Variants in KCNC1 observed in about 807,000 individuals in gnomAD.
KCNC1 encodes voltage-gated potassium channel KCNC1.
In KCNC1, 8 loss-of-function variants were observed where a neutral mutation model predicts 43.4. That is an observed-to-expected ratio of 0.18 (90% confidence interval 0.11 to 0.33). The LOEUF (loss-of-function observed/expected upper bound fraction) is 0.33, where lower values mean the gene tolerates loss of function less well. Ranked by LOEUF, KCNC1 falls within the 10% of genes least tolerant of loss-of-function variation. KCNC1 has a pLI of 1.00. For synonymous variants in KCNC1, 361 were observed against 360.5 expected, an observed-to-expected ratio of 1.00 and a Z score of -0.01; for missense variants, 420 against 836.0, an observed-to-expected ratio of 0.50 and a Z score of 6.14.
At chr11:17,768,614 G>GGA (rs1554991046) in intron 1 of KCNC1, among the ~76,000 whole-genome samples, 2 of 99,852 alleles carry the variant, frequency 2.0e-5, no homozygotes, top group African/African-American at 5.6e-5. Context: ...GATGTTGGTG[G>GGA]GGGGGGGGGC....
intron 1 of KCNC1, among the ~76,000 whole-genome samples, chr11:17,767,933 T>C (rs1849172940): frequency 6.6e-6 from 1 of 152,228 alleles, no homozygotes; most frequent in Non-Finnish European, 1.5e-5. Context: ...AAAGACTTTT[T>C]ACCATAATCT....
intron 1 of KCNC1, among the ~76,000 whole-genome samples, chr11:17,760,312 A>T (rs1849063662): frequency 6.6e-6 from 1 of 152,208 alleles, no homozygotes; most frequent in South Asian, 2.1e-4. Flanking sequence ...AGACAGGCGT[A>T]CTAGGAGACA....
chr11:17,778,716 C>G (rs1267244384), intron 2 of KCNC1, among the ~76,000 whole-genome samples: 1 of 151,680 alleles, frequency 6.6e-6, no homozygotes, highest in African/African-American at 2.4e-5. Flanking sequence ...TATGGGGGGT[C>G]GGGGCATAGA....
intron 1 of KCNC1, among the ~76,000 whole-genome samples, chr11:17,762,689 C>T (rs1368533593): frequency 6.6e-6 from 1 of 152,172 alleles, no homozygotes; most frequent in Non-Finnish European, 1.5e-5. Flanking sequence ...CTGCCTGAGC[C>T]AAGACTTGAT....
chr11:17,772,038 T>G lies in KCNC1; in HGVS notation c.944T>G (p.Phe315Cys). The change falls in exon 2 of 4, where the codon TTC becomes TGC. Residue 315 changes from phenylalanine (F) to cysteine (C), a missense_variant. Around this residue, in one of 5 missense-constraint regions of KCNC1, gnomAD observed 58 missense variants for 256.9 expected, o/e 0.23. Coordinates refer to ENST00000265969, the MANE Select transcript of KCNC1 (RefSeq NM_001112741.2). ...CTGGGCTTCCTGCGCGTCGTCCGCT[T>G]CGTGCGCATCTTGCGCATCTTTAAG... ...DVLGFLRVVRFVRILRIFKLT... is the reference protein window; with the variant it reads ...DVLGFLRVVRCVRILRIFKLT... The G allele has an allele frequency of 6.2e-7, 1 of 1,612,946 alleles. No individual in the cohort carries two copies. Among genetic ancestry groups the G allele is most frequent in the Non-Finnish European group, 8.5e-7 (1 of 1,179,934 alleles).
Position 17,777,824 on chromosome 11 carries a change from C to G in KCNC1, c.1505-1632C>G. The G allele has an allele frequency of 1.0e-6, 1 of 986,458 alleles. No homozygotes were observed. Among genetic ancestry groups the G allele is most frequent in the Non-Finnish European group, 1.2e-6 (1 of 830,076 alleles). The allele number at this position is 986,458 out of a possible 1,614,324, so 61.1% of individuals were successfully genotyped here. On this transcript the variant is annotated intron_variant, in intron 2 of 3. Coordinates refer to ENST00000265969, the MANE Select transcript of KCNC1 (RefSeq NM_001112741.2). This position sits in a 1 kb window ranked among gnomAD's most constrained non-coding sequence, Gnocchi z 4.3. Reference sequence around the variant, plus strand: ...GAATAAATCTGATTGGTCCATTTCTCTTTTGACTGACTGCCTCTTTGTAGT... The same window carrying G: ...GAATAAATCTGATTGGTCCATTTCTGTTTTGACTGACTGCCTCTTTGTAGT...
intron 1 of KCNC1, among the ~76,000 whole-genome samples, chr11:17,748,032 A>G (rs765658237): frequency 4.3e-4 from 66 of 152,224 alleles, no homozygotes; most frequent in Admixed American, 2.6e-4. Context: ...TTGAGCATCT[A>G]CTATGTGACA....
At chr11:17,759,708 A>G (rs1051303230) in intron 1 of KCNC1, among the ~76,000 whole-genome samples, 1 of 152,212 alleles carries the variant, frequency 6.6e-6, no homozygotes, top group Non-Finnish European at 1.5e-5. Context: ...AACTCAGATA[A>G]CATTTATCAA....
Position 17,777,463 on chromosome 11 carries a change from T to C in KCNC1, c.1505-1993T>C. 1 of 986,014 alleles carries C rather than the reference T, an allele frequency of 1.0e-6. No homozygotes were observed. Among genetic ancestry groups the C allele is most frequent in the Non-Finnish European group, 1.2e-6 (1 of 829,996 alleles). The allele number at this position is 986,014 out of a possible 1,614,324, so 61.1% of individuals were successfully genotyped here. Reference sequence around the variant, plus strand: ...ATCGTCATCCGCGTCCTCTCCATACTGTTTCCCTCCCCTCTCCCAACACCC... The same window carrying C: ...ATCGTCATCCGCGTCCTCTCCATACCGTTTCCCTCCCCTCTCCCAACACCC... On this transcript the variant is annotated intron_variant, in intron 2 of 3. Coordinates refer to ENST00000265969, the MANE Select transcript of KCNC1 (RefSeq NM_001112741.2). This position sits in a 1 kb window ranked among gnomAD's most constrained non-coding sequence, Gnocchi z 4.3.
rs777209898 is a variant in KCNC1, at chr11:17,779,485, G to T, written c.1534G>T (p.Ala512Ser). The change falls in exon 3 of 4, where the codon GCC becomes TCC. Residue 512 changes from alanine to serine, a missense_variant. Around this residue, in one of 5 missense-constraint regions of KCNC1, gnomAD observed 147 missense variants for 176.1 expected, o/e 0.83. Transcript: ENST00000265969. The surrounding 1 kb of genome is among the most constrained non-coding windows in gnomAD (Gnocchi z 7.2). Reference sequence around the variant, plus strand: ...CAAACTGAATGGGGAGGTGGCGAAGGCCGCGCTGGCGAACGAAGACTGCCC... The same window carrying T: ...CAAACTGAATGGGGAGGTGGCGAAGTCCGCGCTGGCGAACGAAGACTGCCC... ...DSKLNGEVAK[A>S]ALANEDCPHI... 4 of 1,550,086 alleles carry T rather than the reference G, an allele frequency of 2.6e-6. No individual in the cohort carries two copies. Among genetic ancestry groups the T allele is most frequent in the Non-Finnish European group, 3.5e-6 (4 of 1,146,468 alleles).
rs750127039 is a variant in KCNC1, at chr11:17,779,401, G to GC, written c.1505-49dup. The GC allele has an allele frequency of 3.7e-6, 5 of 1,357,410 alleles. No individual in the cohort carries two copies. The highest frequency in any genetic ancestry group is 1.9e-6 in the Non-Finnish European group (2 of 1,037,362). 84.1% of individuals were successfully genotyped at this position (1,357,410 alleles called of 1,614,324 possible). A position where few individuals can be genotyped will look rare whatever the true frequency, so the allele number is the denominator to read the frequency against. ...CCCCGCTTCTGGCCTGTCCCCCCCT[G>GC]CCCCCCACTAAACAGTTTTCAGTGT... On this transcript the variant is annotated intron_variant, in intron 2 of 3. Coordinates refer to ENST00000265969, the MANE Select transcript of KCNC1 (RefSeq NM_001112741.2). This position sits in a 1 kb window ranked among gnomAD's most constrained non-coding sequence, Gnocchi z 7.2.
At chr11:17,762,081 C>G (rs1005671524) in intron 1 of KCNC1, among the ~76,000 whole-genome samples, 1 of 152,240 alleles carries the variant, frequency 6.6e-6, no homozygotes, top group South Asian at 2.1e-4. Flanking sequence ...CACGGGATCC[C>G]TCTGAGGCCG....
chr11:17,753,610 G>T (rs1217006969), intron 1 of KCNC1, among the ~76,000 whole-genome samples: 1 of 152,214 alleles, frequency 6.6e-6, no homozygotes, highest in Admixed American at 6.5e-5. Flanking sequence ...AAACTGCCTG[G>T]GCCATCTCCT....
chr11:17,738,355 T>G (rs1590089985), intron 1 of KCNC1, among the ~76,000 whole-genome samples: 1 of 150,734 alleles, frequency 6.6e-6, no homozygotes, highest in African/African-American at 2.4e-5. Flanking sequence ...GGATGGGAGG[T>G]TGAACTAGTG....
chr11:17,777,683 A>G lies in KCNC1; in HGVS notation c.1505-1773A>G. Reference sequence around the variant, plus strand: ...TTGGTTCAGAGTAAATTGGGAAGTGAAGCCCCTGGGATTTGTCGAGAAACG... The same window carrying G: ...TTGGTTCAGAGTAAATTGGGAAGTGGAGCCCCTGGGATTTGTCGAGAAACG... On this transcript the variant is annotated intron_variant, in intron 2 of 3. Coordinates refer to ENST00000265969, the MANE Select transcript of KCNC1 (RefSeq NM_001112741.2). The surrounding 1 kb of genome is among the most constrained non-coding windows in gnomAD (Gnocchi z 4.3). 1 of 985,924 alleles carries G rather than the reference A, an allele frequency of 1.0e-6. No homozygotes were observed. The highest frequency in any genetic ancestry group is 1.2e-6 in the Non-Finnish European group (1 of 829,964). 61.1% of individuals were successfully genotyped at this position (985,924 alleles called of 1,614,324 possible). A position where few individuals can be genotyped will look rare whatever the true frequency, so the allele number is the denominator to read the frequency against.
chr11:17,758,329 C>A (rs983436261), intron 1 of KCNC1, among the ~76,000 whole-genome samples: 2 of 152,224 alleles, frequency 1.3e-5, no homozygotes, highest in Non-Finnish European at 2.9e-5. Flanking sequence ...TCTGCAGTGA[C>A]TTCCTCCACT....
intron 1 of KCNC1, among the ~76,000 whole-genome samples, chr11:17,758,543 T>C (rs181035644): frequency 2.8e-4 from 43 of 152,368 alleles, no homozygotes; most frequent in Non-Finnish European, 5.6e-4. Flanking sequence ...TACAGCCTTA[T>C]GAAATGTATT....
At chr11:17,751,484 G>A (rs1398076798) in intron 1 of KCNC1, among the ~76,000 whole-genome samples, 1 of 152,202 alleles carries the variant, frequency 6.6e-6, no homozygotes, top group African/African-American at 2.4e-5. Flanking sequence ...CTCACAGGAT[G>A]AACACATCCT....
In KCNC1 at chr11:17,735,153, GC is replaced by G. The variant is rs1848748755; in HGVS notation, c.-847del. ...CCGCGGGAGCCCAAGTCCGAGCGCA[GC>G]CCAGCGGAACCCCAGCTCGAGCCCG... is the stretch of plus-strand genomic sequence containing the variant. On this transcript the variant is annotated 5_prime_UTR_variant, in exon 1 of 4. Coordinates refer to ENST00000265969, the MANE Select transcript of KCNC1 (RefSeq NM_001112741.2). The surrounding 1 kb of genome is among the most constrained non-coding windows in gnomAD (Gnocchi z 6.7). 1 of 152,196 alleles carries G rather than the reference GC, an allele frequency of 6.6e-6. No homozygotes were observed. 9.4% of individuals were successfully genotyped at this position (152,196 alleles called of 1,614,324 possible). A position where few individuals can be genotyped will look rare whatever the true frequency, so the allele number is the denominator to read the frequency against.
Sources: allele counts gnomAD v4.1 joint callset (sites outside exome capture counted in the v4.1 genomes callset), GRCh38; gene constraint gnomAD v4.1.1; regional missense constraint gnomAD v4.1.1; non-coding constraint Gnocchi (gnomAD v3.1); transcripts MANE v1.5; gene names NCBI Gene and HGNC (gene_info 2026-07-23, HGNC 2026-07-21).